The following BRF1 variants were observed in gnomAD, a reference collection of about 807,000 sequenced individuals.
BRF1 encodes BRF1 general transcription factor IIIB subunit.
Under a neutral mutation model 81.7 loss-of-function variants are expected in BRF1, and 59 were observed. That is an observed-to-expected ratio of 0.72 (90% CI 0.59 to 0.90). The LOEUF (loss-of-function observed/expected upper bound fraction) is 0.90. Among genes scored for constraint, BRF1 ranks in the 40% least tolerant of loss-of-function variants. The probability of loss-of-function intolerance (pLI) is 0.00; values close to 1 mark genes in which losing one functional copy is unlikely to be tolerated. For synonymous variants in BRF1, 491 were observed against 395.6 expected (o/e 1.24, Z -2.86); for missense variants, 1,050 against 936.3 (o/e 1.12, Z -1.58).
At chr14:105,211,637 T>A (rs1024147388) in intron 16 of BRF1, 5 of 358,220 alleles carry the variant, frequency 1.4e-5, no homozygotes, top group Non-Finnish European at 2.6e-5. Context: ...GGGCTTGGCC[T>A]GCCCTGACCC....
intron 10 of BRF1, among the ~76,000 whole-genome samples, chr14:105,223,765 A>C (rs1235699255): frequency 6.6e-6 from 1 of 152,204 alleles, no homozygotes; most frequent in Non-Finnish European, 1.5e-5. Flanking sequence ...CAAAGGGCAC[A>C]TTTTAAATAT....
chr14:105,241,082 C>G (rs1385086284), intron 6 of BRF1, among the ~76,000 whole-genome samples, 183 bp downstream of exon 6: 2 of 152,232 alleles, frequency 1.3e-5, no homozygotes, highest in Non-Finnish European at 1.5e-5. Context: ...GCCAACGGGG[C>G]AGCCAGGAGG....
chr14:105,225,164 G>C (rs887488560), intron 10 of BRF1, among the ~76,000 whole-genome samples: 2 of 152,184 alleles, frequency 1.3e-5, no homozygotes, highest in African/African-American at 2.4e-5. Context: ...GCTGGGCCAG[G>C]TCTCTCACCC....
In BRF1 at chr14:105,221,877, C is replaced by T. The variant is rs374522314; in HGVS notation, c.1086G>A (p.Glu362=). 81 of 1,601,248 alleles carry T rather than the reference C, an allele frequency of 5.1e-5. No individual in the cohort carries two copies. The highest frequency in any genetic ancestry group is 6.6e-5 in the Non-Finnish European group (78 of 1,174,426). ...TEDTASSLCG[E]EDTEDEELEA... is the part of the protein sequence containing the mutation. ...CCAGCTCCTCGTCCTCTGTGTCCTC[C>T]TCGCCACACAAGCTGGACGCGGTGT... is the stretch of plus-strand genomic sequence containing the variant. The change falls in exon 11 of 18, where the codon GAG becomes GAA. Residue 362 remains glutamate (E), a synonymous_variant. Coordinates refer to ENST00000547530, the MANE Select transcript of BRF1 (RefSeq NM_001519.4).
chr14:105,227,807 T>C (rs1308267704), intron 7 of BRF1: 1 of 152,210 alleles, frequency 6.6e-6, no homozygotes, highest in African/African-American at 2.4e-5. Flanking sequence ...ACAGAATCAA[T>C]GGTCAGATGT....
Position 105,287,184 on chromosome 14 carries a change from G to A in BRF1, c.185-808C>T, listed in dbSNP as rs377764983. Among the ~76,000 whole-genome samples, 11 of 152,338 alleles carry A rather than the reference G, an allele frequency of 7.2e-5. No homozygotes were observed. In the East Asian group the frequency reaches 2.1e-3, roughly 29 times the overall value. On this transcript the variant is annotated intron_variant, in intron 1 of 17. Coordinates refer to ENST00000547530, the MANE Select transcript of BRF1 (RefSeq NM_001519.4). ...CGTCCACCACATTCTGCCCTGCAGG[G>A]CTTCGGGGTTAAGACCTGGCCCTGG...
intron 11 of BRF1, among the ~76,000 whole-genome samples, chr14:105,221,051 C>CA (rs1566805810): frequency 6.6e-6 from 1 of 152,246 alleles, no homozygotes; most frequent in African/African-American, 2.4e-5. Context: ...GCTCCTCACA[C>CA]AGAGGCCAGG....
At chr14:105,246,519 G>A (rs2735820) in intron 5 of BRF1, among the ~76,000 whole-genome samples, 35,728 of 151,956 alleles carry the variant, frequency 0.24, 4,558 homozygotes, top group South Asian at 0.28. Flanking sequence ...ATCCAGGCTG[G>A]AGTGCAGTAG....
chr14:105,212,214 C>T, intron 15 of BRF1, 50 bp from the exon 16 acceptor site: 1 of 1,584,706 alleles, frequency 6.3e-7, no homozygotes, highest in Non-Finnish European at 8.6e-7. Context: ...TCCCGAACGC[C>T]TGCCCACTTG....
At chr14:105,253,064 A>T (rs2055695644) in intron 4 of BRF1, among the ~76,000 whole-genome samples, 1 of 152,154 alleles carries the variant, frequency 6.6e-6, no homozygotes, top group Non-Finnish European at 1.5e-5. Flanking sequence ...CTTAGGTCCA[A>T]ATCCACACAG....
At chr14:105,229,625 C>G (rs1011978745) in intron 6 of BRF1, among the ~76,000 whole-genome samples, 6 of 152,122 alleles carry the variant, frequency 3.9e-5, no homozygotes, top group Admixed American at 2.6e-4. Context: ...CCAACTAGAA[C>G]AGTCGCCCAG....
In BRF1 at chr14:105,296,066, G is replaced by A. The variant is rs587725644; in HGVS notation, c.184+4380C>T. Among the ~76,000 whole-genome samples the A allele has an allele frequency of 2.3e-5, 3 of 128,140 alleles. No individual in the cohort carries two copies. In the East Asian group the frequency reaches 6.9e-4, roughly 30 times the overall value. The allele number at this position is 128,140 out of a possible 152,430, so 84.1% of individuals were successfully genotyped here. A position where few individuals can be genotyped will look rare whatever the true frequency, so the allele number is the denominator to read the frequency against. ...ACTGCACTCCAGCCTGGGCAACAGAGCGACACTCTATCTCAAAAAAAAAAA... is the reference window on the plus strand; with the variant it reads ...ACTGCACTCCAGCCTGGGCAACAGAACGACACTCTATCTCAAAAAAAAAAA... On this transcript the variant is annotated intron_variant, in intron 1 of 17. Coordinates refer to ENST00000547530, the MANE Select transcript of BRF1 (RefSeq NM_001519.4).
At position 105,272,498 on chromosome 14, in the gene BRF1, CT is replaced by C. The variant is rs1661115685; in HGVS notation, c.439+222del. On this transcript the variant is annotated intron_variant, in intron 3 of 17. Transcript: ENST00000547530. ...AACCCTCGCTCTGCATGCCCAAGGG[CT>C]GTGCGAGGAAGGCAGGTGCCCAGCT... 5.9e-5 allele frequency among the ~76,000 whole-genome samples: 9 copies of C among 152,368 alleles called. No homozygotes were observed. In the South Asian group the frequency reaches 1.9e-3, roughly 32 times the overall value.
At chr14:105,286,410 CT>C (rs755473037) in intron 1 of BRF1, 34 bp from the exon 2 acceptor site, 1 of 1,589,970 alleles carries the variant, frequency 6.3e-7, no homozygotes, top group Non-Finnish European at 8.6e-7. Flanking sequence ...TCAGCCAAAA[CT>C]TGGAGATCTG....
chr14:105,215,355 C>T (rs1212190721), intron 15 of BRF1, among the ~76,000 whole-genome samples: 1 of 151,994 alleles, frequency 6.6e-6, no homozygotes, highest in Non-Finnish European at 1.5e-5. Context: ...ACACTGCATG[C>T]ACAGAGAGAC....
chr14:105,311,842 CTCAGCCTCA>C (rs1015492139), intron 1 of BRF1, among the ~76,000 whole-genome samples: 3 of 152,240 alleles, frequency 2.0e-5, no homozygotes, highest in African/African-American at 7.2e-5. Flanking sequence ...ACCATTCCTC[CTCAGCCTCA>C]GTCATGGCCA....
intron 6 of BRF1, among the ~76,000 whole-genome samples, chr14:105,229,368 C>T (rs1184324333): frequency 2.0e-5 from 3 of 152,318 alleles, no homozygotes; most frequent in Non-Finnish European, 2.9e-5. Flanking sequence ...ATCATGTGTG[C>T]AGATGGAACG....
At chr14:105,274,072 C>T (rs920612721) in intron 2 of BRF1, among the ~76,000 whole-genome samples, 1 of 152,232 alleles carries the variant, frequency 6.6e-6, no homozygotes, top group African/African-American at 2.4e-5. Flanking sequence ...GGAGATTAGA[C>T]ACGTTGGTAG....
chr14:105,304,746 A>C (rs2058132954), upstream of BRF1, among the ~76,000 whole-genome samples: 1 of 152,224 alleles, frequency 6.6e-6, no homozygotes, highest in South Asian at 2.1e-4. Flanking sequence ...ACAATCATGG[A>C]GGAAGGCAAG....
Sources: gnomAD v4.1 joint callset for allele counts (sites outside exome capture counted in the v4.1 genomes callset) on GRCh38, gnomAD v4.1.1 for gene constraint, MANE v1.5 for transcripts, NCBI Gene and HGNC (gene_info 2026-07-23, HGNC 2026-07-21) for gene names.